The following GDPD4 variants were observed in gnomAD, a reference collection of about 807,000 sequenced individuals.
GDPD4 encodes glycerophosphodiester phosphodiesterase domain containing 4, also known as glycerophosphodiester phosphodiesterase 6.
A neutral mutation model predicts 67.8 loss-of-function variants in GDPD4; 60 were observed. The ratio of observed to expected loss-of-function variants is 0.88; its 90% confidence interval spans 0.72 to 1.10. The LOEUF (loss-of-function observed/expected upper bound fraction) is 1.10, where lower values mean the gene tolerates loss of function less well. Among genes scored for constraint, GDPD4 ranks in the 50% least tolerant of loss-of-function variants. The pLI is 0.00. For synonymous variants in GDPD4, 212 were observed against 210.9 expected (o/e 1.00, Z -0.04); for missense variants, 623 against 613.9 (o/e 1.01, Z -0.16).
chr11:77,274,809 T>C (rs922977598), intron 5 of GDPD4, among the ~76,000 whole-genome samples: 5 of 152,170 alleles, frequency 3.3e-5, no homozygotes, highest in African/African-American at 4.8e-5. Context: ...CTATGCCTGA[T>C]GTTCTCACTC....
At chr11:77,301,575 G>A (rs6592715) in intron 1 of GDPD4, 30 bp downstream of exon 1, 52,358 of 151,996 alleles carry the variant, frequency 0.34, 9,288 homozygotes, top group Admixed American at 0.46. Flanking sequence ...TGCTTAGGGA[G>A]GAAGCACGGA....
chr11:77,220,276 G>GTCTT (rs1421256294), intron 16 of GDPD4, among the ~76,000 whole-genome samples: 1 of 152,166 alleles, frequency 6.6e-6, no homozygotes, highest in Non-Finnish European at 1.5e-5. Flanking sequence ...GGGCATCCCT[G>GTCTT]TCTTGTGCCA....
At position 77,227,879 on chromosome 11, in the gene GDPD4, A is replaced by G; in HGVS notation, c.1510T>C (p.Ser504Pro). The G allele has an allele frequency of 6.2e-7, 1 of 1,613,476 alleles. No individual in the cohort carries two copies. Among genetic ancestry groups the G allele is most frequent in the South Asian group, 1.1e-5 (1 of 91,070 alleles). Reference sequence around the variant, plus strand: ...CTGACTTTACCTGTGCGAGTGCTGGAGGTTTCAAACAATTTTTCTTTTTCA... The same window carrying G: ...CTGACTTTACCTGTGCGAGTGCTGGGGGTTTCAAACAATTTTTCTTTTTCA... ...ETEKEKLFET[S>P]STRTDTQSGS... The change falls in exon 16 of 17, where the codon TCC (serine) becomes CCC (proline). Residue 504 changes from serine (S) to proline (P), a missense_variant. Coordinates refer to ENST00000315938, the MANE Select transcript of GDPD4 (RefSeq NM_182833.3).
intron 13 of GDPD4, among the ~76,000 whole-genome samples, chr11:77,241,824 G>A (rs955900613): frequency 2.0e-5 from 3 of 151,782 alleles, no homozygotes; most frequent in Admixed American, 1.3e-4. Context: ...TGCACCTGTA[G>A]TCTCAGCCTG....
At chr11:77,292,270 A>G (rs1937804902) in intron 1 of GDPD4, among the ~76,000 whole-genome samples, 1 of 152,132 alleles carries the variant, frequency 6.6e-6, no homozygotes, top group Non-Finnish European at 1.5e-5. Context: ...CTAGAATTGG[A>G]AAACAGAATT....
intron 1 of GDPD4, among the ~76,000 whole-genome samples, chr11:77,298,703 G>T (rs148611264): frequency 1.3e-3 from 199 of 152,048 alleles, no homozygotes; most frequent in African/African-American, 4.5e-3. Flanking sequence ...GGATCGGAAG[G>T]GTCTGGAAGA....
intron 16 of GDPD4, among the ~76,000 whole-genome samples, chr11:77,221,637 G>A (rs1395578540): frequency 6.6e-6 from 1 of 152,198 alleles, no homozygotes; most frequent in African/African-American, 2.4e-5. Context: ...TTGCTGAGGA[G>A]TGCTTTACTT....
At chr11:77,263,111 A>C (rs772623196) in intron 10 of GDPD4, among the ~76,000 whole-genome samples, 93 of 152,148 alleles carry the variant, frequency 6.1e-4, no homozygotes, top group Non-Finnish European at 9.9e-4. Flanking sequence ...GCATACCTTT[A>C]CTGTAAAAAA....
In GDPD4 at chr11:77,258,523, G is replaced by C. The variant is rs1162191835; in HGVS notation, c.727C>G (p.Leu243Val). 1.2e-6 allele frequency: 2 copies of C among 1,613,774 alleles called. No homozygotes were observed. Among genetic ancestry groups the C allele is most frequent in the African/African-American group, 2.7e-5 (2 of 74,890 alleles). The change falls in exon 11 of 17, where the codon CTC becomes GTC. Residue 243 changes from leucine to valine, a missense_variant. Leu to Val is a conservative substitution (Grantham distance 32). Transcript: ENST00000315938. ...IHLSYDHVPF[L>V]MHDFDLKRTT... ...CTTTTCAGGTCAAAGTCATGCATGA[G>C]GAAAGGCACATGATCATAACTGAGG...
At chr11:77,222,862 G>A (rs902936045) in intron 16 of GDPD4, among the ~76,000 whole-genome samples, 1 of 152,164 alleles carries the variant, frequency 6.6e-6, no homozygotes, top group Non-Finnish European at 1.5e-5. Context: ...TCACTTTCAG[G>A]TACACCAATC....
intron 5 of GDPD4, 72 bp downstream of exon 5, chr11:77,276,089 A>C: frequency 9.4e-7 from 1 of 1,063,434 alleles, no homozygotes; most frequent in East Asian, 2.4e-5. Context: ...CTGAGTACCA[A>C]GGAGCATGTT....
At chr11:77,228,375 C>CG (rs1958384003) in intron 15 of GDPD4, among the ~76,000 whole-genome samples, 1 of 151,850 alleles carries the variant, frequency 6.6e-6, no homozygotes, top group African/African-American at 2.4e-5. Context: ...ATGGTGGTGC[C>CG]TGTAGTTCCA....
intron 12 of GDPD4, 110 bp from the exon 13 acceptor site, chr11:77,243,958 G>GAGT: frequency 2.9e-6 from 2 of 687,540 alleles, no homozygotes; most frequent in Non-Finnish European, 5.0e-6. Flanking sequence ...ATTCTACAGA[G>GAGT]AGTAGAGAGA....
rs1436582760 is a variant in GDPD4 at position 77,292,288 on chromosome 11, C to T, written c.-253-4868G>A. ...GAATTGGAAAACAGAATTGAAAATA[C>T]TAGAATTAAATTAGAAATTAATGAG... On this transcript the variant is annotated intron_variant, in intron 1 of 16. Coordinates refer to ENST00000315938, the MANE Select transcript of GDPD4 (RefSeq NM_182833.3). 7.9e-5 allele frequency among the ~76,000 whole-genome samples: 12 copies of T among 151,522 alleles called. No individual in the cohort carries two copies. The South Asian group carries it at 2.5e-3, about 31-fold the overall frequency.
intron 2 of GDPD4, among the ~76,000 whole-genome samples, chr11:77,286,298 G>A (rs1438325181): frequency 6.6e-6 from 1 of 152,196 alleles, no homozygotes; most frequent in Non-Finnish European, 1.5e-5. Context: ...TGCGCATACA[G>A]TTACAGCACT....
chr11:77,272,382 G>A (rs987268291), intron 5 of GDPD4, among the ~76,000 whole-genome samples: 2 of 152,144 alleles, frequency 1.3e-5, no homozygotes, highest in African/African-American at 2.4e-5. Context: ...CAACACAAAA[G>A]TTGAATTGCC....
intron 5 of GDPD4, among the ~76,000 whole-genome samples, chr11:77,271,972 A>G (rs1959241033): frequency 6.6e-6 from 1 of 152,240 alleles, no homozygotes; most frequent in Non-Finnish European, 1.5e-5. Context: ...AGAACACTGT[A>G]TACTTCATAG....
chr11:77,252,046 G>GTTT (rs1565523153), intron 11 of GDPD4, among the ~76,000 whole-genome samples: 6 of 68,702 alleles, frequency 8.7e-5, no homozygotes, highest in African/African-American at 3.3e-4. Context: ...GGGTTTTTTT[G>GTTT]TTTGTTTGTT....
intron 5 of GDPD4, among the ~76,000 whole-genome samples, chr11:77,275,199 T>C (rs368350794): frequency 2.0e-5 from 3 of 152,240 alleles, no homozygotes; most frequent in African/African-American, 7.2e-5. Context: ...CTAATTACTA[T>C]GTATCAATTT....
Sources: allele counts gnomAD v4.1 joint callset (sites outside exome capture counted in the v4.1 genomes callset), GRCh38; gene constraint gnomAD v4.1.1; transcripts MANE v1.5; gene names NCBI Gene and HGNC (gene_info 2026-07-23, HGNC 2026-07-21).